PDXK: variants seen among roughly 807,000 people sequenced by gnomAD.
PDXK encodes epididymis secretory sperm binding protein Li 1a.
A neutral mutation model predicts 43.2 loss-of-function variants in PDXK; 15 were observed. That is an observed-to-expected ratio of 0.35 (90% CI 0.23 to 0.53). The LOEUF (loss-of-function observed/expected upper bound fraction) is 0.53, where lower values mean the gene tolerates loss of function less well. Ranked by LOEUF, PDXK falls within the 20% of genes least tolerant of loss-of-function variation. The pLI is 0.92. For missense variants in PDXK, 343 were observed against 417.0 expected (o/e 0.82, Z 1.54); for synonymous variants, 172 against 165.4 (o/e 1.04, Z -0.31).
At chr21:43,750,328 C>G (rs749635738) in intron 6 of PDXK, among the ~76,000 whole-genome samples, 172 bp from the exon 7 acceptor site, 30 of 152,240 alleles carry the variant, frequency 2.0e-4, no homozygotes, top group Admixed American at 2.0e-4. Flanking sequence ...CCCTTTAGAA[C>G]CAAACCCCAC....
At chr21:43,722,083 A>G (rs577539561) in intron 1 of PDXK, among the ~76,000 whole-genome samples, 1 of 152,286 alleles carries the variant, frequency 6.6e-6, no homozygotes, top group East Asian at 1.9e-4. Context: ...TGCCCAAGTC[A>G]AGCACAGACC....
intron 9 of PDXK, among the ~76,000 whole-genome samples, chr21:43,755,153 C>T (rs1290292584): frequency 1.3e-5 from 2 of 152,138 alleles, no homozygotes; most frequent in African/African-American, 4.8e-5. Context: ...AGCGAGTTCC[C>T]CGTGCTTCCC....
At position 43,755,329 on chromosome 21, in the gene PDXK, TG is replaced by T. The variant is rs1457267546; in HGVS notation, c.760-367del. 13 of 224,744 alleles carry T rather than the reference TG, an allele frequency of 5.8e-5. 1 individual carries two copies. The South Asian group carries it at 9.2e-4, about 16-fold the overall frequency. The allele number at this position is 224,744 out of a possible 1,614,324, so 13.9% of individuals were successfully genotyped here. ...CTCTGAGGCATCACTGAGTGATGATTGGCTGGGCTTTCGGCAGGAGCACTTC... is the reference window on the plus strand; with the variant it reads ...CTCTGAGGCATCACTGAGTGATGATTGCTGGGCTTTCGGCAGGAGCACTTC... On this transcript the variant is annotated intron_variant, in intron 9 of 10. Coordinates refer to ENST00000291565, the MANE Select transcript of PDXK (RefSeq NM_003681.5).
At chr21:43,736,632 T>G (rs1031743366) in intron 2 of PDXK, among the ~76,000 whole-genome samples, 8 of 121,042 alleles carry the variant, frequency 6.6e-5, no homozygotes, top group African/African-American at 2.9e-4. Flanking sequence ...TTTTTCTGTT[T>G]TTTTTTTTTT....
At chr21:43,740,133 C>A (rs2083469836) in intron 2 of PDXK, among the ~76,000 whole-genome samples, 1 of 152,060 alleles carries the variant, frequency 6.6e-6, no homozygotes, top group South Asian at 2.1e-4. Context: ...CAGGTGCACC[C>A]CCCAGATGCC....
intron 1 of PDXK, chr21:43,728,725 G>A: frequency 1.0e-6 from 1 of 985,696 alleles, no homozygotes; most frequent in Non-Finnish European, 1.2e-6. Flanking sequence ...CACACCACCG[G>A]CCGAGGGAGG....
rs931617670 is a variant in PDXK at position 43,723,618 on chromosome 21, C to T, written c.87+4237C>T. ...GGCCCAGAAGTTGATGACGTCAAGA[C>T]GTCCTTTTTGGAAGTGAGGGGAGCA... On this transcript the variant is annotated intron_variant, in intron 1 of 10. Coordinates refer to ENST00000291565, the MANE Select transcript of PDXK (RefSeq NM_003681.5). This position sits in a 1 kb window ranked among gnomAD's most constrained non-coding sequence, Gnocchi z 4.1. 2.6e-5 allele frequency: 4 copies of T among 152,298 alleles called. No individual in the cohort carries two copies. Among genetic ancestry groups the T allele is most frequent in the Admixed American group, 6.5e-5 (1 of 15,290 alleles). 9.4% of individuals were successfully genotyped at this position (152,298 alleles called of 1,614,324 possible).
chr21:43,725,767 AC>A (rs1475343474), intron 1 of PDXK, among the ~76,000 whole-genome samples: 2 of 151,798 alleles, frequency 1.3e-5, no homozygotes, highest in African/African-American at 4.8e-5. Context: ...CCAAGATTGC[AC>A]CACTGCACTC....
Position 43,757,359 on chromosome 21 carries a change from G to A in PDXK, c.*1296G>A, listed in dbSNP as rs185517119. ...CCAGCTCTGGGGTGTGCAGAGGTTT[G>A]TGTCTCCAGGGAACCCACGGCTGGA... is the stretch of plus-strand genomic sequence containing the variant. On this transcript the variant is annotated 3_prime_UTR_variant, in exon 11 of 11. Coordinates refer to ENST00000291565, the MANE Select transcript of PDXK (RefSeq NM_003681.5). 609 of 152,434 alleles carry A rather than the reference G, an allele frequency of 4.0e-3. 3 individuals carry two copies. The highest frequency in any genetic ancestry group is 6.6e-3 in the Non-Finnish European group (449 of 68,080). 9.4% of individuals were successfully genotyped at this position (152,434 alleles called of 1,614,324 possible).
rs201633974 is a variant in PDXK at position 43,755,646 on chromosome 21, C to T, written c.760-52C>T. 1.5e-4 allele frequency: 206 copies of T among 1,405,512 alleles called. 1 individual carries two copies. Among genetic ancestry groups the T allele is most frequent in the Middle Eastern group, 8.8e-4 (5 of 5,684 alleles). The allele number at this position is 1,405,512 out of a possible 1,614,324, so 87.1% of individuals were successfully genotyped here. On this transcript the variant is annotated intron_variant, in intron 9 of 10. Coordinates refer to ENST00000291565, the MANE Select transcript of PDXK (RefSeq NM_003681.5). ...AATCCCCTCCTGGCAGCAGTGGGCA[C>T]GTCGGGTGTTGTGAGTGGGCCAGGG... is the stretch of plus-strand genomic sequence containing the variant.
intron 1 of PDXK, among the ~76,000 whole-genome samples, chr21:43,724,276 C>T (rs1256081832): frequency 6.6e-6 from 1 of 152,182 alleles, no homozygotes; most frequent in African/African-American, 2.4e-5. Flanking sequence ...AGGGGGCTCC[C>T]TGCCCTGGAA....
chr21:43,724,102 G>C (rs1014830322), intron 1 of PDXK, among the ~76,000 whole-genome samples: 3 of 152,226 alleles, frequency 2.0e-5, no homozygotes, highest in Admixed American at 1.3e-4. Context: ...TCCATCTGGG[G>C]CCTGCAGGCA....
chr21:43,729,120 C>A (rs2083285728), intron 1 of PDXK: 9 of 644,044 alleles, frequency 1.4e-5, no homozygotes, highest in Non-Finnish European at 1.7e-5. Flanking sequence ...CGCGGCTCTT[C>A]CCACCCCGGC....
intron 5 of PDXK, among the ~76,000 whole-genome samples, chr21:43,746,639 G>A (rs1366652225): frequency 6.6e-6 from 1 of 151,956 alleles, no homozygotes; most frequent in Non-Finnish European, 1.5e-5. Flanking sequence ...GGCTGGTCTC[G>A]AACTCCTAGC....
intron 2 of PDXK, chr21:43,738,821 G>A (rs891534252): frequency 4.7e-4 from 71 of 152,392 alleles, no homozygotes; most frequent in Non-Finnish European, 2.9e-5. Flanking sequence ...CTGCTTCTCA[G>A]ATCTAAGTGA....
At chr21:43,747,060 C>T in intron 5 of PDXK, 1 of 152,646 alleles carries the variant, frequency 6.6e-6, no homozygotes, top group Non-Finnish European at 1.5e-5. Flanking sequence ...ATCACTTGAG[C>T]CCAGGAGGTG....
Position 43,754,051 on chromosome 21 carries a change from G to A in PDXK, c.759+332G>A, listed in dbSNP as rs1193648021. 6.6e-6 allele frequency among the ~76,000 whole-genome samples: 1 copy of A among 152,220 alleles called. No homozygotes were observed. The highest frequency in any genetic ancestry group is 1.5e-5 in the Non-Finnish European group (1 of 68,042). ...TTGGCGCAGGGCTGTGGGATGCATG[G>A]AGCTGTTGTGTCCTTGGTGACTTGG... On this transcript the variant is annotated intron_variant, in intron 9 of 10. Coordinates refer to ENST00000291565, the MANE Select transcript of PDXK (RefSeq NM_003681.5). The surrounding 1 kb of genome is among the most constrained non-coding windows in gnomAD (Gnocchi z 5.5).
Position 43,734,181 on chromosome 21 carries a change from C to CTTT in PDXK, c.142+58_142+59insTTT. ...CAGACTGTGGGTGTGAGGGACGGGG[C>CTTT]GGAGTGTGGGTGTGAGGGACGGGGC... is the stretch of plus-strand genomic sequence containing the variant. On this transcript the variant is annotated intron_variant, in intron 2 of 10. Transcript: ENST00000291565. The surrounding 1 kb of genome is among the most constrained non-coding windows in gnomAD (Gnocchi z 5.0). 6.7e-7 allele frequency: 1 copy of CTTT among 1,483,240 alleles called. No individual in the cohort carries two copies. The highest frequency in any genetic ancestry group is 9.3e-7 in the Non-Finnish European group (1 of 1,080,068). The allele number at this position is 1,483,240 out of a possible 1,614,324, so 91.9% of individuals were successfully genotyped here. A position where few individuals can be genotyped will look rare whatever the true frequency, so the allele number is the denominator to read the frequency against.
intron 2 of PDXK, chr21:43,738,835 T>C (rs1166858581): frequency 6.6e-6 from 1 of 152,406 alleles, no homozygotes; most frequent in Non-Finnish European, 1.5e-5. Flanking sequence ...TAAGTGACTG[T>C]ACTCAATAAA....
Sources: allele counts gnomAD v4.1 joint callset (sites outside exome capture counted in the v4.1 genomes callset), GRCh38; gene constraint gnomAD v4.1.1; non-coding constraint Gnocchi (gnomAD v3.1); transcripts MANE v1.5; gene names NCBI Gene and HGNC (gene_info 2026-07-23, HGNC 2026-07-21).